The following RPS6KA2 variants were observed in gnomAD, a reference collection of about 807,000 sequenced individuals.
RPS6KA2 encodes the protein ribosomal protein S6 kinase alpha-2.
RPS6KA2 carries 42 observed loss-of-function variants against 91.8 expected under a neutral mutation model. That is an observed-to-expected ratio of 0.46 (90% CI 0.36 to 0.59). The LOEUF is 0.59. Among genes scored for constraint, RPS6KA2 ranks in the 20% least tolerant of loss-of-function variants. RPS6KA2 has a pLI of 0.00. For synonymous variants in RPS6KA2, 414 were observed against 393.6 expected (o/e 1.05, Z -0.61); for missense variants, 798 against 978.5 (o/e 0.82, Z 2.46).
intron 2 of RPS6KA2, among the ~76,000 whole-genome samples, chr6:166,756,914 G>C (rs900666840): frequency 6.6e-6 from 1 of 152,158 alleles, no homozygotes; most frequent in Non-Finnish European, 1.5e-5. Context: ...GGAGGAATGA[G>C]GAGTGTTTAA....
intron 2 of RPS6KA2, among the ~76,000 whole-genome samples, chr6:166,692,645 AG>A (rs1789243951): frequency 2.0e-5 from 3 of 152,250 alleles, no homozygotes; most frequent in South Asian, 4.1e-4. Flanking sequence ...AGGAAAAAAA[AG>A]TTACAAATGT....
chr6:166,769,355 T>C (rs1395033448), intron 2 of RPS6KA2, among the ~76,000 whole-genome samples: 1 of 152,212 alleles, frequency 6.6e-6, no homozygotes, highest in African/African-American at 2.4e-5. Flanking sequence ...CTTGACTCTT[T>C]TTTTCTTGGA....
At chr6:166,790,321 T>C (rs1055229361) in intron 2 of RPS6KA2, among the ~76,000 whole-genome samples, 6 of 152,084 alleles carry the variant, frequency 3.9e-5, no homozygotes, top group African/African-American at 1.4e-4. Context: ...GAAAAAAGTA[T>C]AAAAAGAAAT....
chr6:166,613,411 G>A (rs534142659), intron 1 of RPS6KA2, among the ~76,000 whole-genome samples: 3 of 152,300 alleles, frequency 2.0e-5, no homozygotes, highest in East Asian at 1.9e-4. Flanking sequence ...TGCAAAACAC[G>A]TCACCGAAGG....
At chr6:166,728,364 G>T (rs1478464966) in intron 2 of RPS6KA2, among the ~76,000 whole-genome samples, 1 of 152,200 alleles carries the variant, frequency 6.6e-6, no homozygotes, top group Non-Finnish European at 1.5e-5. Flanking sequence ...TGGACGCAGG[G>T]GTCCCCCGGG....
At position 166,770,073 on chromosome 6, in the gene RPS6KA2, G is replaced by A. The variant is rs926022124; in HGVS notation, c.123+88127C>T. ...ACCAGAAACCAACTTCCAATGACCC[G>A]TTTGGCACCTACAAGGAGCAGGCCC... On this transcript the variant is annotated intron_variant, in intron 2 of 21. Coordinates refer to the RPS6KA2 transcript ENST00000503859. The surrounding 1 kb of genome is among the most constrained non-coding windows in gnomAD (Gnocchi z 5.1). 1.6e-4 allele frequency among the ~76,000 whole-genome samples: 25 copies of A among 152,138 alleles called. No homozygotes were observed. The highest frequency in any genetic ancestry group is 9.7e-5 in the African/African-American group (4 of 41,428).
intron 10 of RPS6KA2, among the ~76,000 whole-genome samples, chr6:166,473,510 C>T (rs916649971): frequency 2.6e-5 from 4 of 152,054 alleles, no homozygotes; most frequent in African/African-American, 9.7e-5. Flanking sequence ...TTCATTGCAC[C>T]GATTCTGTCC....
chr6:166,677,990 A>G (rs2128563730), intron 2 of RPS6KA2, among the ~76,000 whole-genome samples: 1 of 152,320 alleles, frequency 6.6e-6, no homozygotes, highest in Middle Eastern at 3.4e-3. Flanking sequence ...TGCTTCTGAT[A>G]TTAAAATCAC....
intron 2 of RPS6KA2, among the ~76,000 whole-genome samples, chr6:166,853,039 T>C (rs984739244): frequency 4.6e-5 from 7 of 152,252 alleles, no homozygotes; most frequent in Admixed American, 3.9e-4. Context: ...GGAATCACGC[T>C]GACATTTTCA....
chr6:166,722,977 G>A (rs976684322), intron 2 of RPS6KA2, among the ~76,000 whole-genome samples: 3 of 152,186 alleles, frequency 2.0e-5, no homozygotes, highest in African/African-American at 4.8e-5. Flanking sequence ...TACACTTGGC[G>A]ACTATGACAA....
chr6:166,787,208 TG>T (rs1778955090), intron 2 of RPS6KA2, among the ~76,000 whole-genome samples: 1 of 152,172 alleles, frequency 6.6e-6, no homozygotes, highest in South Asian at 2.1e-4. Flanking sequence ...TTTATCATAG[TG>T]TTTTTTTTAT....
Position 166,504,602 on chromosome 6 carries a change from G to A in RPS6KA2, c.470C>T (p.Thr157Met), listed in dbSNP as rs761917338. Residue 157 changes from threonine (T) to methionine (M), a missense_variant, in exon 6 of 21, where the codon ACG (threonine) becomes ATG (methionine). By Grantham distance (81) the Thr-to-Met change is moderately conservative. Coordinates refer to ENST00000265678, the MANE Select transcript of RPS6KA2 (RefSeq NM_021135.6). Reference protein sequence around the residue: ...FTRLSKEVMFTEEDVKFYLAE... With the variant: ...FTRLSKEVMFMEEDVKFYLAE... ...CAGGTAGAACTTGACATCCTCCTCC[G>A]TGAACATGACCTAGTAAGAAAAAAA... The A allele has an allele frequency of 6.2e-6, 10 of 1,609,074 alleles. No homozygotes were observed. Among genetic ancestry groups the A allele is most frequent in the South Asian group, 2.2e-5 (2 of 90,384 alleles).
At chr6:166,703,384 C>T (rs1789586364) in intron 2 of RPS6KA2, among the ~76,000 whole-genome samples, 2 of 152,204 alleles carry the variant, frequency 1.3e-5, no homozygotes. Flanking sequence ...ATTCTGCCTC[C>T]TACACGGGGT....
exon 1 of RPS6KA2, chr6:166,862,136 T>C (rs769333418): frequency 6.2e-7 from 1 of 1,613,874 alleles, no homozygotes; most frequent in Admixed American, 1.7e-5. Context: ...CACCTCGATC[T>C]TTTTCCATAG....
intron 14 of RPS6KA2, among the ~76,000 whole-genome samples, chr6:166,438,909 G>A (rs370869241): frequency 1.1e-4 from 16 of 152,198 alleles, no homozygotes; most frequent in Middle Eastern, 3.4e-3. Flanking sequence ...CAGTAAAAGC[G>A]TCCAATTAAA....
At chr6:166,491,036 G>A (rs1781571003) in intron 8 of RPS6KA2, among the ~76,000 whole-genome samples, 1 of 152,220 alleles carries the variant, frequency 6.6e-6, no homozygotes, top group Non-Finnish European at 1.5e-5. Context: ...GCAGGGTCCT[G>A]TGGTCAGGCA....
Position 166,603,390 on chromosome 6 carries a change from G to A in RPS6KA2, c.99+23531C>T, listed in dbSNP as rs990204739. 1.3e-5 allele frequency among the ~76,000 whole-genome samples: 2 copies of A among 152,194 alleles called. No homozygotes were observed. The highest frequency in any genetic ancestry group is 2.9e-5 in the Non-Finnish European group (2 of 68,046). On this transcript the variant is annotated intron_variant, in intron 1 of 20. Coordinates refer to ENST00000265678, the MANE Select transcript of RPS6KA2 (RefSeq NM_021135.6). The surrounding 1 kb of genome is among the most constrained non-coding windows in gnomAD (Gnocchi z 4.3). ...CTCAGAGTGCGTGGGGTGGGGCAGA[G>A]CTCTGGGAGGCCGAGTGGTGACTTC...
chr6:166,429,290 G>T (rs1053002237), intron 16 of RPS6KA2, among the ~76,000 whole-genome samples: 2 of 117,158 alleles, frequency 1.7e-5, no homozygotes, highest in African/African-American at 6.6e-5. Context: ...CTGTTGTGGG[G>T]TGGGGGGAGG....
chr6:166,579,977 C>T (rs990019418), intron 1 of RPS6KA2, among the ~76,000 whole-genome samples: 2 of 152,210 alleles, frequency 1.3e-5, no homozygotes, highest in Non-Finnish European at 2.9e-5. Flanking sequence ...TTCCTAACTG[C>T]GACCTTTAGA....
Sources: allele counts gnomAD v4.1 joint callset (sites outside exome capture counted in the v4.1 genomes callset), GRCh38; gene constraint gnomAD v4.1.1; non-coding constraint Gnocchi (gnomAD v3.1); transcripts MANE v1.5; gene names NCBI Gene and HGNC (gene_info 2026-07-23, HGNC 2026-07-21).